NR2C1: variants seen among roughly 807,000 people sequenced by gnomAD.
The protein encoded by NR2C1 is nuclear receptor subfamily 2 group C member 1.
A neutral mutation model predicts 74.8 loss-of-function variants in NR2C1; 33 were observed. The observed-to-expected ratio is 0.44, with a 90% CI of 0.33 to 0.59. NR2C1 has a LOEUF of 0.59. Among genes scored for constraint, NR2C1 ranks in the 20% least tolerant of loss-of-function variants. The pLI, the probability that NR2C1 is intolerant of heterozygous loss-of-function variation, is 0.02. For synonymous variants in NR2C1, 225 were observed against 240.6 expected, an observed-to-expected ratio of 0.94 and a Z score of 0.60; for missense variants, 568 against 715.6, an observed-to-expected ratio of 0.79 and a Z score of 2.35.
intron 11 of NR2C1, among the ~76,000 whole-genome samples, chr12:95,029,049 G>A (rs1869722289): frequency 6.6e-6 from 1 of 152,200 alleles, no homozygotes; most frequent in Non-Finnish European, 1.5e-5. Flanking sequence ...CAAGCTGTTA[G>A]TATAATCTGT....
intron 2 of NR2C1, among the ~76,000 whole-genome samples, chr12:95,066,501 G>A (rs537465172): frequency 9.2e-5 from 14 of 152,206 alleles, no homozygotes; most frequent in African/African-American, 3.1e-4. Context: ...AAAGGGGAAG[G>A]ATATTTTAAT....
intron 10 of NR2C1, among the ~76,000 whole-genome samples, chr12:95,037,898 A>G (rs1313002461): frequency 1.3e-5 from 2 of 150,844 alleles, no homozygotes; most frequent in East Asian, 3.9e-4. Context: ...CCATCTCAAA[A>G]AAAAAAAAAA....
At chr12:95,041,108 G>A (rs1341028382) in intron 9 of NR2C1, among the ~76,000 whole-genome samples, 2 of 152,176 alleles carry the variant, frequency 1.3e-5, no homozygotes, top group Non-Finnish European at 2.9e-5. Context: ...ATTCAGTGCA[G>A]TGAAAACATA....
chr12:95,025,527 G>A (rs550128215), intron 12 of NR2C1, among the ~76,000 whole-genome samples: 3 of 151,526 alleles, frequency 2.0e-5, no homozygotes, highest in South Asian at 2.1e-4. Flanking sequence ...GCATGGTGGC[G>A]CATGCCTGTA....
intron 8 of NR2C1, chr12:95,049,609 A>T (rs1872720491): frequency 6.4e-6 from 1 of 155,188 alleles, no homozygotes; most frequent in African/African-American, 2.4e-5. Context: ...ATTAAACGAA[A>T]TTCTTTTCAA....
At chr12:95,064,693 G>A (rs1035750199) in intron 2 of NR2C1, among the ~76,000 whole-genome samples, 1 of 152,142 alleles carries the variant, frequency 6.6e-6, no homozygotes, top group Non-Finnish European at 1.5e-5. Context: ...TTTCAGCATT[G>A]AGAGTTTCTG....
intron 11 of NR2C1, among the ~76,000 whole-genome samples, chr12:95,029,993 A>G (rs983025269): frequency 2.0e-5 from 3 of 152,106 alleles, no homozygotes; most frequent in African/African-American, 7.2e-5. Flanking sequence ...TCAGATTCCT[A>G]AGTAGCTGGG....
intron 7 of NR2C1, among the ~76,000 whole-genome samples, chr12:95,056,958 C>CAA (rs746993156): frequency 4.4e-4 from 32 of 73,280 alleles, no homozygotes; most frequent in African/African-American, 6.2e-4. Flanking sequence ...GACTCCATCT[C>CAA]AAAAAAAAAA....
At chr12:95,022,950 G>A (rs1016905913) in intron 13 of NR2C1, among the ~76,000 whole-genome samples, 4 of 149,794 alleles carry the variant, frequency 2.7e-5, no homozygotes, top group Non-Finnish European at 5.9e-5. Context: ...CAATCCTCCT[G>A]CCTTGGCTTC....
intron 7 of NR2C1, among the ~76,000 whole-genome samples, chr12:95,057,006 G>A (rs1226969279): frequency 6.7e-6 from 1 of 150,286 alleles, no homozygotes; most frequent in African/African-American, 2.4e-5. Context: ...ATGTCTTACT[G>A]AGGACTCGTA....
chr12:95,052,732 T>G (rs1188751349), intron 7 of NR2C1, among the ~76,000 whole-genome samples: 1 of 151,968 alleles, frequency 6.6e-6, no homozygotes, highest in Admixed American at 6.6e-5. Flanking sequence ...TTTCTAAAAC[T>G]TACTATACAA....
chr12:95,038,374 T>C (rs1871118769), intron 10 of NR2C1, among the ~76,000 whole-genome samples: 1 of 152,266 alleles, frequency 6.6e-6, no homozygotes, highest in African/African-American at 2.4e-5. Flanking sequence ...TAATAACTGA[T>C]AGCCTATCAT....
At chr12:95,044,136 C>T (rs555071008) in intron 9 of NR2C1, among the ~76,000 whole-genome samples, 1 of 152,282 alleles carries the variant, frequency 6.6e-6, no homozygotes, top group South Asian at 2.1e-4. Context: ...AAAAGTTCAA[C>T]ATATTGAGTG....
intron 2 of NR2C1, 52 bp from the exon 3 acceptor site, chr12:95,062,790 G>C: frequency 7.3e-7 from 1 of 1,364,582 alleles, no homozygotes; most frequent in Non-Finnish European, 1.0e-6. Context: ...TTTCTTTAAT[G>C]ACACAATTAT....
chr12:95,044,557 C>T (rs895961314), intron 9 of NR2C1, among the ~76,000 whole-genome samples: 13 of 151,724 alleles, frequency 8.6e-5, no homozygotes, highest in Non-Finnish European at 1.6e-4. Context: ...ATTACAGGTG[C>T]GAGCCACCCT....
At chr12:95,041,341 T>C (rs911099441) in intron 9 of NR2C1, among the ~76,000 whole-genome samples, 1 of 151,498 alleles carries the variant, frequency 6.6e-6, no homozygotes, top group African/African-American at 2.4e-5. Flanking sequence ...CAAAAAAAAA[T>C]TGAGCCGTGT....
chr12:95,069,900 T>C (rs1449818521), intron 1 of NR2C1, among the ~76,000 whole-genome samples: 1 of 152,112 alleles, frequency 6.6e-6, no homozygotes, highest in Non-Finnish European at 1.5e-5. Flanking sequence ...TTCAGTTGAT[T>C]GAGTCCCTGA....
intron 1 of NR2C1, chr12:95,072,796 G>A (rs886634737): frequency 1.2e-4 from 18 of 152,390 alleles, no homozygotes; most frequent in African/African-American, 4.3e-4. Flanking sequence ...CTTCTGAAAA[G>A]ATCCAGGCCC....
intron 10 of NR2C1, among the ~76,000 whole-genome samples, chr12:95,032,308 A>C (rs931651614): frequency 6.6e-6 from 1 of 152,176 alleles, no homozygotes; most frequent in Non-Finnish European, 1.5e-5. Context: ...GAAAGGTCAA[A>C]AGTTCTCTCC....
Sources: allele counts gnomAD v4.1 joint callset (sites outside exome capture counted in the v4.1 genomes callset), GRCh38; gene constraint gnomAD v4.1.1; transcripts MANE v1.5; gene names NCBI Gene and HGNC (gene_info 2026-07-23, HGNC 2026-07-21).